Variants in CHRM2 observed in about 807,000 individuals in gnomAD.
CHRM2 encodes the protein muscarinic acetylcholine receptor M2.
CHRM2 carries 8 observed loss-of-function variants against 25.0 expected under a neutral mutation model. The ratio of observed to expected loss-of-function variants is 0.32; its 90% CI spans 0.19 to 0.58. The LOEUF (loss-of-function observed/expected upper bound fraction) is 0.58. Among genes scored for constraint, CHRM2 ranks in the 20% least tolerant of loss-of-function variants. CHRM2 has a pLI of 0.88. For missense variants in CHRM2, 440 were observed against 567.1 expected (o/e 0.78, Z 2.28); for synonymous variants, 202 against 205.7 (o/e 0.98, Z 0.15).
intron 2 of CHRM2, among the ~76,000 whole-genome samples, chr7:136,922,732 T>C (rs1394724405): frequency 6.6e-6 from 1 of 152,188 alleles, no homozygotes. Context: ...CTGGACTCTT[T>C]CCTGAGCAAC....
intron 2 of CHRM2, among the ~76,000 whole-genome samples, chr7:136,873,155 T>C (rs927694886): frequency 1.3e-5 from 2 of 152,256 alleles, no homozygotes; most frequent in East Asian, 1.9e-4. Flanking sequence ...TTGTGACTAC[T>C]AACAACTGGC....
intron 2 of CHRM2, among the ~76,000 whole-genome samples, chr7:136,917,838 T>A (rs374071430): frequency 1.3e-5 from 2 of 152,010 alleles, no homozygotes; most frequent in African/African-American, 2.4e-5. Context: ...AAAGGAGTAG[T>A]TGGAATCTAG....
intron 2 of CHRM2, among the ~76,000 whole-genome samples, chr7:136,935,147 T>G (rs1162022845): frequency 1.3e-5 from 2 of 152,240 alleles, no homozygotes; most frequent in African/African-American, 2.4e-5. Context: ...AAATTGCAGA[T>G]TTTTGCTCTA....
chr7:136,994,952 C>T (rs547368926), intron 3 of CHRM2, among the ~76,000 whole-genome samples: 3 of 152,006 alleles, frequency 2.0e-5, no homozygotes, highest in East Asian at 1.9e-4. Flanking sequence ...GTTATTACAA[C>T]GATCCTTATT....
At chr7:136,902,200 T>G (rs192903256) in intron 2 of CHRM2, 82 of 145,514 alleles carry the variant, frequency 5.6e-4, no homozygotes, top group East Asian at 2.0e-3. Flanking sequence ...TCTATCTATC[T>G]ATCGATCTAT....
intron 2 of CHRM2, among the ~76,000 whole-genome samples, chr7:136,922,917 T>C (rs1798530907): frequency 6.6e-6 from 1 of 152,214 alleles, no homozygotes; most frequent in Non-Finnish European, 1.5e-5. Flanking sequence ...AGGTGATTCA[T>C]ATACTTGCTG....
At chr7:136,870,635 T>C (rs998151494) in intron 2 of CHRM2, 17 of 152,548 alleles carry the variant, frequency 1.1e-4, no homozygotes, top group African/African-American at 4.1e-4. Flanking sequence ...TGTACGGAAA[T>C]ACCAGCAGGG....
intron 2 of CHRM2, among the ~76,000 whole-genome samples, chr7:136,873,849 C>G (rs1439411415): frequency 6.6e-6 from 1 of 152,184 alleles, no homozygotes; most frequent in Non-Finnish European, 1.5e-5. Flanking sequence ...TGAGTAGGCT[C>G]TTAGTTGGCA....
At position 136,950,376 on chromosome 7, in the gene CHRM2, C is replaced by T. The variant is rs571125314; in HGVS notation, c.-124-41811C>T. ...CCCCTCCAGGATGCTCCTGTCCCTG[C>T]GGGATGGGGGTGGGAGTGGGGATCA... On this transcript the variant is annotated intron_variant, in intron 2 of 3. Transcript: ENST00000680005. Among the ~76,000 whole-genome samples the T allele has an allele frequency of 1.6e-4, 24 of 152,180 alleles. No homozygotes were observed. The South Asian group carries it at 2.5e-3, about 16-fold the overall frequency.
At chr7:136,899,363 A>G (rs563453883) in intron 2 of CHRM2, 2 of 152,202 alleles carry the variant, frequency 1.3e-5, no homozygotes, top group South Asian at 4.1e-4. Context: ...TGCTCATCCA[A>G]GTAAAAATGT....
chr7:136,872,407 G>C (rs1795876362), intron 2 of CHRM2, among the ~76,000 whole-genome samples: 1 of 152,172 alleles, frequency 6.6e-6, no homozygotes, highest in African/African-American at 2.4e-5. Flanking sequence ...TCAATTTTGG[G>C]AGGCTGAGAC....
At chr7:137,007,639 C>CA (rs1211064783) in intron 3 of CHRM2, among the ~76,000 whole-genome samples, 4 of 152,084 alleles carry the variant, frequency 2.6e-5, no homozygotes, top group Non-Finnish European at 5.9e-5. Flanking sequence ...TCAAAGCACT[C>CA]AGACTGTGGA....
At chr7:136,938,181 A>C in intron 2 of CHRM2, 1 of 730,218 alleles carries the variant, frequency 1.4e-6, no homozygotes, top group East Asian at 2.5e-5. Context: ...CTCTTCTGGA[A>C]GAGTCCATCG....
At chr7:137,001,310 C>T (rs1316330901) in intron 3 of CHRM2, among the ~76,000 whole-genome samples, 2 of 151,884 alleles carry the variant, frequency 1.3e-5, no homozygotes, top group Admixed American at 1.3e-4. Flanking sequence ...AATAACAATA[C>T]AAAAAAGAAA....
At chr7:136,919,138 T>C (rs915967353) in intron 2 of CHRM2, among the ~76,000 whole-genome samples, 10 of 152,142 alleles carry the variant, frequency 6.6e-5, no homozygotes, top group Non-Finnish European at 1.0e-4. Flanking sequence ...ATCTTTCTTG[T>C]TCTTGGTTCA....
intron 2 of CHRM2, among the ~76,000 whole-genome samples, chr7:136,970,169 A>G (rs1197644084): frequency 6.6e-6 from 1 of 152,174 alleles, no homozygotes; most frequent in Non-Finnish European, 1.5e-5. Context: ...TGGGAGGTGG[A>G]TGTAAACATT....
At chr7:136,965,879 T>C (rs1801383054) in intron 2 of CHRM2, among the ~76,000 whole-genome samples, 1 of 151,896 alleles carries the variant, frequency 6.6e-6, no homozygotes, top group African/African-American at 2.4e-5. Flanking sequence ...TACACCTAAA[T>C]GAGCCATGAT....
In CHRM2 at chr7:137,006,738, T is replaced by C. The variant is rs1363593861; in HGVS notation, c.-46-8082T>C. Among the ~76,000 whole-genome samples the C allele has an allele frequency of 3.9e-5, 6 of 152,088 alleles. No homozygotes were observed. In the East Asian group the frequency reaches 1.2e-3, roughly 29 times the overall value. The stretch of plus-strand genomic sequence containing the variant: ...GTACAGCTTGATAAAATGCAGTATG[T>C]GTTTGGTGTGGCCTTTTTTTTCCCC... On this transcript the variant is annotated intron_variant, in intron 3 of 3. Coordinates refer to ENST00000680005, the MANE Select transcript of CHRM2 (RefSeq NM_001006630.2).
chr7:136,994,908 T>TC, intron 3 of CHRM2, among the ~76,000 whole-genome samples: 1 of 152,222 alleles, frequency 6.6e-6, no homozygotes, highest in African/African-American at 2.4e-5. Context: ...GAAAACTCTG[T>TC]TCTTATCCAT....
Sources: allele counts gnomAD v4.1 joint callset (sites outside exome capture counted in the v4.1 genomes callset), GRCh38; gene constraint gnomAD v4.1.1; transcripts MANE v1.5; gene names NCBI Gene and HGNC (gene_info 2026-07-23, HGNC 2026-07-21).